The following AGAP3 variants were observed in gnomAD, a reference collection of about 807,000 sequenced individuals.
AGAP3 encodes ArfGAP with GTPase domain, ankyrin repeat and PH domain 3.
AGAP3 carries 24 observed loss-of-function variants against 96.9 expected under a neutral mutation model. That is an observed-to-expected ratio of 0.25 (90% confidence interval 0.18 to 0.35). The LOEUF (loss-of-function observed/expected upper bound fraction) is 0.35, where lower values mean the gene tolerates loss of function less well. Ranked by LOEUF, AGAP3 falls within the 10% of genes least tolerant of loss-of-function variation. The pLI is 1.00. For synonymous variants in AGAP3, 563 were observed against 536.1 expected, an observed-to-expected ratio of 1.05 and a Z score of -0.69; for missense variants, 876 against 1,254.2, an observed-to-expected ratio of 0.70 and a Z score of 4.55.
At chr7:151,121,605 C>T (rs998222632) in intron 8 of AGAP3, among the ~76,000 whole-genome samples, 3 of 152,156 alleles carry the variant, frequency 2.0e-5, no homozygotes, top group Non-Finnish European at 4.4e-5. Flanking sequence ...TCCTCCCTTG[C>T]GCCCCGTGCT....
intron 8 of AGAP3, 80 bp downstream of exon 8, chr7:151,120,225 G>A (rs1006772532): frequency 6.9e-7 from 1 of 1,453,530 alleles, no homozygotes; most frequent in Non-Finnish European, 9.3e-7. Context: ...AGCCAGGAGG[G>A]GCGTGGGCAG....
Position 151,139,975 on chromosome 7 carries a change from C to T in AGAP3, c.1667-4C>T, listed in dbSNP as rs1800757943. On this transcript the variant is annotated splice_polypyrimidine_tract_variant and splice_region_variant and intron_variant, in intron 12 of 17. Coordinates refer to ENST00000397238, the MANE Select transcript of AGAP3 (RefSeq NM_031946.7). This position sits in a 1 kb window ranked among gnomAD's most constrained non-coding sequence, Gnocchi z 4.9. ...CCACACTTCTCCAACTCTCCCCTCACCAGCCAGTGGCCCAGCTGAGGTACT... is the reference window on the plus strand; with the variant it reads ...CCACACTTCTCCAACTCTCCCCTCATCAGCCAGTGGCCCAGCTGAGGTACT... 2 of 1,554,562 alleles carry T rather than the reference C, an allele frequency of 1.3e-6. No individual in the cohort carries two copies. The highest frequency in any genetic ancestry group is 1.7e-6 in the Non-Finnish European group (2 of 1,151,602).
chr7:151,144,025 C>T lies in AGAP3; in HGVS notation c.*82C>T. On this transcript the variant is annotated 3_prime_UTR_variant, in exon 18 of 18. Coordinates refer to ENST00000397238, the MANE Select transcript of AGAP3 (RefSeq NM_031946.7). ...CCTGCAGGCACTGTGGGAACAGACA[C>T]AGAGATGGAGAAGCAGGGACATGCT... 7.1e-7 allele frequency: 1 copy of T among 1,409,292 alleles called. No homozygotes were observed. The highest frequency in any genetic ancestry group is 9.8e-7 in the Non-Finnish European group (1 of 1,021,554). The allele number at this position is 1,409,292 out of a possible 1,614,324, so 87.3% of individuals were successfully genotyped here. A position where few individuals can be genotyped will look rare whatever the true frequency, so the allele number is the denominator to read the frequency against.
At chr7:151,138,353 C>G (rs750762911) in intron 12 of AGAP3, 40 bp downstream of exon 12, 28 of 1,570,018 alleles carry the variant, frequency 1.8e-5, no homozygotes, top group Non-Finnish European at 2.3e-5. Flanking sequence ...TTTCTGGGGC[C>G]CCAGTGACAG....
At chr7:151,130,104 C>T (rs1800346099) in intron 10 of AGAP3, among the ~76,000 whole-genome samples, 1 of 152,180 alleles carries the variant, frequency 6.6e-6, no homozygotes, top group South Asian at 2.1e-4. Context: ...TGGGAATGGG[C>T]CTGTTTGAAA....
chr7:151,124,582 C>T (rs558194799), intron 9 of AGAP3, among the ~76,000 whole-genome samples: 51 of 152,284 alleles, frequency 3.3e-4, no homozygotes, highest in African/African-American at 1.1e-3. Context: ...TTTTTGGGAT[C>T]TGGTGGTTGG....
At chr7:151,137,541 C>T (rs1030158936) in intron 11 of AGAP3, among the ~76,000 whole-genome samples, 1 of 152,336 alleles carries the variant, frequency 6.6e-6, no homozygotes, top group South Asian at 2.1e-4. Context: ...GTGCGGCGCT[C>T]TGTCCTCCCT....
In AGAP3 at chr7:151,120,069, G is replaced by A. The variant is rs369387729; in HGVS notation, c.1052G>A (p.Arg351His). 34 of 1,613,750 alleles carry A rather than the reference G, an allele frequency of 2.1e-5. No individual in the cohort carries two copies. The highest frequency in any genetic ancestry group is 3.3e-5 in the South Asian group (3 of 91,078). ...CCCAGCATCAGCCAGCGGGAGCTGCGCATCGAGACCATCGCTGCCTCCTCC... is the reference window on the plus strand; with the variant it reads ...CCCAGCATCAGCCAGCGGGAGCTGCACATCGAGACCATCGCTGCCTCCTCC... Reference protein sequence around the residue: ...STPSISQRELRIETIAASSTP... With the variant: ...STPSISQRELHIETIAASSTP... The change falls in exon 8 of 18, where the codon CGC becomes CAC. Residue 351 changes from arginine (R) to histidine (H), a missense_variant. Around this residue, in one of 8 missense-constraint regions of AGAP3, gnomAD observed 100 missense variants for 129.4 expected, o/e 0.77. Transcript: ENST00000397238.
intron 12 of AGAP3, 89 bp downstream of exon 12, chr7:151,138,402 C>A: frequency 2.8e-6 from 4 of 1,422,456 alleles, no homozygotes; most frequent in Non-Finnish European, 3.8e-6. Flanking sequence ...GCTTGGGAGG[C>A]TGCAGTGGGA....
At chr7:151,128,332 A>G in intron 9 of AGAP3, 4 of 497,080 alleles carry the variant, frequency 8.0e-6, no homozygotes, top group Non-Finnish European at 1.5e-5. Flanking sequence ...GGGAGGGAAG[A>G]CGCCCACCTG....
rs1242976585 is a variant in AGAP3 at position 151,114,984 on chromosome 7, G to C, written c.332-1809G>C. 1.2e-5 allele frequency: 12 copies of C among 982,844 alleles called. No homozygotes were observed. Among genetic ancestry groups the C allele is most frequent in the African/African-American group, 1.8e-5 (1 of 56,540 alleles). The allele number at this position is 982,844 out of a possible 1,614,324, so 60.9% of individuals were successfully genotyped here. A position where few individuals can be genotyped will look rare whatever the true frequency, so the allele number is the denominator to read the frequency against. On this transcript the variant is annotated intron_variant, in intron 1 of 17. Coordinates refer to ENST00000397238, the MANE Select transcript of AGAP3 (RefSeq NM_031946.7). This position sits in a 1 kb window ranked among gnomAD's most constrained non-coding sequence, Gnocchi z 4.4. ...CGGCCCGGAGCCGCCGCCCACCGGCGCCCGCGGCCTTTTGCTCGGCCTCCT... is the reference window on the plus strand; with the variant it reads ...CGGCCCGGAGCCGCCGCCCACCGGCCCCCGCGGCCTTTTGCTCGGCCTCCT...
chr7:151,123,882 A>G lies in AGAP3; in HGVS notation c.1217A>G (p.Lys406Arg). ...SIGSGRAIPI[K>R]QGILLKRSGK... Reference sequence around the variant, plus strand: ...GGGAGCGGCCGCGCCATCCCCATCAAGCAGGTCAGCGCCTCCCTTCCCGTG... The same window carrying G: ...GGGAGCGGCCGCGCCATCCCCATCAGGCAGGTCAGCGCCTCCCTTCCCGTG... The change falls in exon 9 of 18, where the codon AAG becomes AGG. Residue 406 changes from lysine (K) to arginine (R), a missense_variant. Transcript: ENST00000397238. 1 of 1,606,568 alleles carries G rather than the reference A, an allele frequency of 6.2e-7. No homozygotes were observed.
At chr7:151,107,019 A>C (rs946615978) in intron 1 of AGAP3, among the ~76,000 whole-genome samples, 10 of 149,888 alleles carry the variant, frequency 6.7e-5, no homozygotes, top group African/African-American at 2.4e-4. Flanking sequence ...GTTTATAAAA[A>C]TATTTTGCGG....
In AGAP3 at chr7:151,087,065, C is replaced by T. The variant is rs1217899669; in HGVS notation, c.324C>T (p.Ser108=). ...ACCAGATCCGGGAGCACGTCATCTC[C>T]ATCGAGGGTGAGCGGAGCCGGGGGC... ...LQNQIREHVI[S]IEDSFVNSQE... The change falls in exon 1 of 18, where the codon TCC becomes TCT. Residue 108 remains serine, a synonymous_variant. Transcript: ENST00000397238. 1 of 1,602,424 alleles carries T rather than the reference C, an allele frequency of 6.2e-7. No homozygotes were observed. The highest frequency in any genetic ancestry group is 8.5e-7 in the Non-Finnish European group (1 of 1,174,636).
Position 151,142,003 on chromosome 7 carries a change from A to G in AGAP3, c.1910A>G (p.Gln637Arg), listed in dbSNP as rs1025760469. The G allele has an allele frequency of 2.5e-6, 4 of 1,613,966 alleles. No homozygotes were observed. Among genetic ancestry groups the G allele is most frequent in the Admixed American group, 1.7e-5 (1 of 59,994 alleles). Residue 637 changes from glutamine to arginine, a missense_variant, in exon 14 of 18, where the codon CAG (glutamine) becomes CGG (arginine). Physicochemically the swap from Gln to Arg is conservative, Grantham distance 43 (BLOSUM62 1). Coordinates refer to ENST00000397238, the MANE Select transcript of AGAP3 (RefSeq NM_031946.7). The surrounding 1 kb of genome is among the most constrained non-coding windows in gnomAD (Gnocchi z 7.5). Reference protein sequence around the residue: ...EERELWVQSVQAQILASLQGC... With the variant: ...EERELWVQSVRAQILASLQGC... ...CGGGAGCTGTGGGTTCAGAGTGTGCAGGCCCAGATCCTTGCCAGCCTGCAA... is the reference window on the plus strand; with the variant it reads ...CGGGAGCTGTGGGTTCAGAGTGTGCGGGCCCAGATCCTTGCCAGCCTGCAA...
intron 9 of AGAP3, among the ~76,000 whole-genome samples, chr7:151,124,274 A>T (rs975355804): frequency 6.6e-6 from 1 of 152,164 alleles, no homozygotes; most frequent in African/African-American, 2.4e-5. Context: ...GTCCAGCGCT[A>T]GGTCTGTTGG....
intron 1 of AGAP3, among the ~76,000 whole-genome samples, chr7:151,105,592 C>CA (rs1224036230): frequency 3.4e-3 from 240 of 70,320 alleles, no homozygotes; most frequent in East Asian, 0.014. Context: ...CCCGTCTCTA[C>CA]AAAAAAAAAA....
At position 151,144,218 on chromosome 7, in the gene AGAP3, C is replaced by A; in HGVS notation, c.*275C>A. 2.2e-6 allele frequency: 1 copy of A among 456,964 alleles called. No homozygotes were observed. The highest frequency in any genetic ancestry group is 3.9e-6 in the Non-Finnish European group (1 of 255,426). 28.3% of individuals were successfully genotyped at this position (456,964 alleles called of 1,614,324 possible). A position where few individuals can be genotyped will look rare whatever the true frequency, so the allele number is the denominator to read the frequency against. On this transcript the variant is annotated 3_prime_UTR_variant, in exon 18 of 18. Coordinates refer to ENST00000397238, the MANE Select transcript of AGAP3 (RefSeq NM_031946.7). ...GCCTGTGAGGAGAGGGGAGCAGGAC[C>A]TCTCCCTCCTCCAGATCCCTGCCTC...
rs1228750935 is a variant in AGAP3 at position 151,143,398 on chromosome 7, A to G, written c.2331A>G (p.Pro777=). ...AKYEQKLFLA[P]LPSSDVPLGQ... is the part of the protein sequence containing the mutation. ...ATGAACAGAAGCTCTTCCTGGCCCCACTGCCAAGCTCAGATGTGCCACTGG... is the reference window on the plus strand; with the variant it reads ...ATGAACAGAAGCTCTTCCTGGCCCCGCTGCCAAGCTCAGATGTGCCACTGG... The change falls in exon 17 of 18, where the codon CCA becomes CCG. Residue 777 remains proline, a synonymous_variant. Coordinates refer to ENST00000397238, the MANE Select transcript of AGAP3 (RefSeq NM_031946.7). This position sits in a 1 kb window ranked among gnomAD's most constrained non-coding sequence, Gnocchi z 5.9. 1.9e-6 allele frequency: 3 copies of G among 1,613,988 alleles called. No individual in the cohort carries two copies. Among genetic ancestry groups the G allele is most frequent in the Non-Finnish European group, 2.5e-6 (3 of 1,180,044 alleles).
Sources: allele counts gnomAD v4.1 joint callset (sites outside exome capture counted in the v4.1 genomes callset), GRCh38; gene constraint gnomAD v4.1.1; regional missense constraint gnomAD v4.1.1; non-coding constraint Gnocchi (gnomAD v3.1); transcripts MANE v1.5; gene names NCBI Gene and HGNC (gene_info 2026-07-23, HGNC 2026-07-21).